The following CSTF3 variants were observed in gnomAD, a reference collection of about 807,000 sequenced individuals.
CSTF3 encodes the protein cleavage stimulation factor subunit 3, also known as CF-1 77 kDa subunit.
CSTF3 carries 29 observed loss-of-function variants against 105.8 expected under a neutral mutation model. That is an observed-to-expected ratio of 0.27 (90% CI 0.20 to 0.37). The LOEUF is 0.37. Ranked by LOEUF, CSTF3 falls within the 10% of genes least tolerant of loss-of-function variation. The pLI is 1.00. For missense variants in CSTF3, 357 were observed against 879.3 expected, an observed-to-expected ratio of 0.41 and a Z score of 7.51; for synonymous variants, 252 against 281.9, an observed-to-expected ratio of 0.89 and a Z score of 1.06.
intron 3 of CSTF3, among the ~76,000 whole-genome samples, chr11:33,138,361 G>A (rs1333322095): frequency 2.0e-5 from 3 of 151,730 alleles, no homozygotes; most frequent in African/African-American, 7.2e-5. Context: ...GAAACCACAG[G>A]CTGGGTGGGG....
At chr11:33,107,840 T>G in intron 5 of CSTF3, 63 bp downstream of exon 5, 1 of 931,744 alleles carries the variant, frequency 1.1e-6, no homozygotes. Context: ...AGGTGTGAGT[T>G]TATGTGGGAT....
At chr11:33,108,132 T>C in intron 4 of CSTF3, 132 bp from the exon 5 acceptor site, 1 of 606,294 alleles carries the variant, frequency 1.6e-6, no homozygotes, top group Non-Finnish European at 2.6e-6. Flanking sequence ...AAGCAAATAA[T>C]TTCCCCATTT....
intron 3 of CSTF3, among the ~76,000 whole-genome samples, chr11:33,131,244 T>C (rs1855595753): frequency 1.3e-5 from 2 of 152,198 alleles, no homozygotes; most frequent in African/African-American, 2.4e-5. Context: ...ACAGAAGTTA[T>C]TGTACCATAA....
Position 33,120,406 on chromosome 11 carries a change from A to G in CSTF3, c.226-11988T>C, listed in dbSNP as rs187959702. On this transcript the variant is annotated intron_variant, in intron 3 of 20. Transcript: ENST00000323959. ...AGTTTTTTTCTTATAATAAACACAT[A>G]TATTACCCTTTTAAATAAGAAAAAT... Among the ~76,000 whole-genome samples, 1,223 of 151,960 alleles carry G rather than the reference A, an allele frequency of 8.0e-3. 4 individuals are homozygous for G. The highest frequency in any genetic ancestry group is 0.012 in the Non-Finnish European group (843 of 67,762).
Position 33,085,142 on chromosome 11 carries a change from A to G in CSTF3, c.2099T>C (p.Val700Ala). ...DSDEDEEKGA[V>A]VPPVHDIYRA... ...GTAAATGTCATGAACAGGGGGGACA[A>G]CGGCTCCCTTTTCTTCATCTTCATC... Residue 700 changes from valine (V) to alanine (A), a missense_variant, in exon 21 of 21, where the codon GTT (valine) becomes GCT (alanine). Physicochemically the swap from Val to Ala is moderately conservative, Grantham distance 64 (BLOSUM62 0). Transcript: ENST00000323959. 4 of 1,614,148 alleles carry G rather than the reference A, an allele frequency of 2.5e-6. No homozygotes were observed. Among genetic ancestry groups the G allele is most frequent in the South Asian group, 2.2e-5 (2 of 91,084 alleles).
intron 1 of CSTF3, among the ~76,000 whole-genome samples, chr11:33,156,311 T>C (rs897753081): frequency 1.3e-5 from 2 of 152,182 alleles, no homozygotes; most frequent in African/African-American, 4.8e-5. Flanking sequence ...TTTCTCTGCC[T>C]CTTCTAACCC....
chr11:33,152,419 G>A (rs1227569298), intron 1 of CSTF3, among the ~76,000 whole-genome samples: 7 of 152,048 alleles, frequency 4.6e-5, no homozygotes, highest in East Asian at 3.8e-4. Context: ...GTGCACCACC[G>A]CACCTGGCTG....
chr11:33,161,432 T>C lies in CSTF3; in HGVS notation c.-107A>G. On this transcript the variant is annotated 5_prime_UTR_variant, in exon 1 of 21. Coordinates refer to ENST00000323959, the MANE Select transcript of CSTF3 (RefSeq NM_001326.3). ...TCAGTAAAGTTACCCCCTGCCCAGCTGAGCCAGACCGCCAACACCAATCGC... is the reference window on the plus strand; with the variant it reads ...TCAGTAAAGTTACCCCCTGCCCAGCCGAGCCAGACCGCCAACACCAATCGC... 8.1e-7 allele frequency: 1 copy of C among 1,237,050 alleles called. No individual in the cohort carries two copies. The highest frequency in any genetic ancestry group is 1.2e-6 in the Non-Finnish European group (1 of 858,600). The allele number at this position is 1,237,050 out of a possible 1,614,324, so 76.6% of individuals were successfully genotyped here.
chr11:33,140,688 T>A (rs1855701443), intron 3 of CSTF3, among the ~76,000 whole-genome samples: 1 of 152,088 alleles, frequency 6.6e-6, no homozygotes, highest in Admixed American at 6.6e-5. Context: ...TATTATCAAA[T>A]TTCAGGTACA....
At chr11:33,105,805 G>C in intron 7 of CSTF3, 78 bp downstream of exon 7, 8 of 1,512,590 alleles carry the variant, frequency 5.3e-6, no homozygotes, top group Non-Finnish European at 7.2e-6. Context: ...AAATAGTATG[G>C]AGATTTCTCA....
chr11:33,151,807 T>G (rs140167762), intron 1 of CSTF3, among the ~76,000 whole-genome samples: 1 of 152,236 alleles, frequency 6.6e-6, no homozygotes, highest in Non-Finnish European at 1.5e-5. Flanking sequence ...TGTACTATTT[T>G]ACATTTCCAG....
At chr11:33,102,118 G>C in intron 10 of CSTF3, 59 bp downstream of exon 10, 1 of 1,449,656 alleles carries the variant, frequency 6.9e-7, no homozygotes, top group Non-Finnish European at 9.6e-7. Context: ...TAACCTATGG[G>C]GATACCAAGT....
intron 1 of CSTF3, among the ~76,000 whole-genome samples, chr11:33,150,917 T>C (rs1436564177): frequency 6.6e-6 from 1 of 152,172 alleles, no homozygotes; most frequent in Non-Finnish European, 1.5e-5. Context: ...TTTTATAATT[T>C]CTTTTTTAGT....
At chr11:33,125,434 A>G (rs1331037863) in intron 3 of CSTF3, among the ~76,000 whole-genome samples, 2 of 152,228 alleles carry the variant, frequency 1.3e-5, no homozygotes, top group African/African-American at 4.8e-5. Context: ...AAAGGGTATG[A>G]ATAAGCTATT....
chr11:33,133,978 A>G lies in CSTF3; in HGVS notation c.225+7689T>C, dbSNP rs570571156. ...ATTCTACTAATGTTACATTTCCTGA[A>G]TTGCATCACTCAACTGTGTGTATGT... On this transcript the variant is annotated intron_variant, in intron 3 of 20. Transcript: ENST00000323959. Among the ~76,000 whole-genome samples, 9 of 152,324 alleles carry G rather than the reference A, an allele frequency of 5.9e-5. No individual in the cohort carries two copies. The South Asian group carries it at 1.9e-3, about 32-fold the overall frequency.
chr11:33,153,397 C>A (rs1466692840), intron 1 of CSTF3, among the ~76,000 whole-genome samples: 2 of 152,034 alleles, frequency 1.3e-5, no homozygotes, highest in African/African-American at 4.8e-5. Flanking sequence ...TCTATATGAG[C>A]TCATAACTTT....
At chr11:33,140,466 T>C (rs920985326) in intron 3 of CSTF3, among the ~76,000 whole-genome samples, 7 of 151,862 alleles carry the variant, frequency 4.6e-5, no homozygotes, top group Non-Finnish European at 1.0e-4. Context: ...ACACACAATG[T>C]TCCTGCTATT....
intron 15 of CSTF3, among the ~76,000 whole-genome samples, chr11:33,095,842 A>C (rs552467662): frequency 6.6e-6 from 1 of 151,954 alleles, no homozygotes; most frequent in South Asian, 2.1e-4. Context: ...AAATAAATAA[A>C]TAAATAAATA....
intron 3 of CSTF3, among the ~76,000 whole-genome samples, chr11:33,137,175 G>A (rs2133796188): frequency 6.6e-6 from 1 of 151,940 alleles, no homozygotes; most frequent in East Asian, 1.9e-4. Flanking sequence ...TGACTGCAGA[G>A]ATTAGTTTTG....
Sources: allele counts gnomAD v4.1 joint callset (sites outside exome capture counted in the v4.1 genomes callset), GRCh38; gene constraint gnomAD v4.1.1; transcripts MANE v1.5; gene names NCBI Gene and HGNC (gene_info 2026-07-23, HGNC 2026-07-21).